GABPB1: variants seen among roughly 807,000 people sequenced by gnomAD.
GABPB1 encodes the protein GA binding protein transcription factor subunit beta 1.
A neutral mutation model predicts 45.9 loss-of-function variants in GABPB1; 15 were observed. The ratio of observed to expected loss-of-function variants is 0.33; its 90% CI spans 0.22 to 0.50. GABPB1 has a LOEUF of 0.50. Ranked by LOEUF, GABPB1 falls within the 20% of genes least tolerant of loss-of-function variation. GABPB1 has a pLI of 0.98. For synonymous variants in GABPB1, 143 were observed against 154.4 expected (o/e 0.93, Z 0.55); for missense variants, 252 against 457.5 (o/e 0.55, Z 4.10).
intron 1 of GABPB1, among the ~76,000 whole-genome samples, chr15:50,328,208 C>G (rs920375950): frequency 6.6e-6 from 1 of 151,566 alleles, no homozygotes; most frequent in Non-Finnish European, 1.5e-5. Flanking sequence ...AAATTAAAAG[C>G]TGGTCATCTT....
In GABPB1 at chr15:50,304,077, C is replaced by T. The variant is rs2046853225; in HGVS notation, c.165G>A (p.Glu55=). 3 of 1,613,310 alleles carry T rather than the reference C, an allele frequency of 1.9e-6. No homozygotes were observed. Among genetic ancestry groups the T allele is most frequent in the Non-Finnish European group, 2.5e-6 (3 of 1,179,662 alleles). ...TGCTCACACCAGCTCGCAGCAGTAC[C>T]TCTGTGGTGGAATAATGACCATACT... ...AAQYGHYSTT[E]VLLRAGVSRD... Residue 55 remains glutamate (E), a synonymous_variant, in exon 3 of 9, where the codon GAG becomes GAA. Coordinates refer to ENST00000380877, the MANE Select transcript of GABPB1 (RefSeq NM_016654.5).
At chr15:50,354,020 G>A (rs967144902) in intron 1 of GABPB1, 1 of 241,080 alleles carries the variant, frequency 4.1e-6, no homozygotes, top group Non-Finnish European at 8.3e-6. Flanking sequence ...TAAAGCAAGA[G>A]TATTTGTACT....
At chr15:50,339,629 C>T (rs1388542064) in intron 1 of GABPB1, among the ~76,000 whole-genome samples, 4 of 151,950 alleles carry the variant, frequency 2.6e-5, no homozygotes, top group African/African-American at 9.7e-5. Context: ...TATCAGTGTC[C>T]CTATTATGAC....
In GABPB1 at chr15:50,275,637, C is replaced by G. The variant is rs1375222732; in HGVS notation, c.*2995G>C. 6.6e-6 allele frequency: 1 copy of G among 152,148 alleles called. No individual in the cohort carries two copies. Among genetic ancestry groups the G allele is most frequent in the Non-Finnish European group, 1.5e-5 (1 of 68,028 alleles). The allele number at this position is 152,148 out of a possible 1,614,324, so 9.4% of individuals were successfully genotyped here. On this transcript the variant is annotated 3_prime_UTR_variant, in exon 9 of 9. Transcript: ENST00000380877. ...TTTCTCTCTAATTGTCTTCCCAACC[C>G]TCCACCACCATAAAGAAATAGAGCA...
intron 2 of GABPB1, among the ~76,000 whole-genome samples, chr15:50,308,185 G>C (rs1164205623): frequency 2.6e-5 from 4 of 152,088 alleles, no homozygotes; most frequent in African/African-American, 9.7e-5. Context: ...ACTTTCCTTT[G>C]AATTTCATTT....
At chr15:50,282,207 A>T in intron 8 of GABPB1, 1 of 437,506 alleles carries the variant, frequency 2.3e-6, no homozygotes, top group South Asian at 1.6e-5. Flanking sequence ...CTCAAAAAAT[A>T]AATAAATAAA....
At chr15:50,345,987 A>G (rs57520763) in intron 1 of GABPB1, among the ~76,000 whole-genome samples, 3,748 of 152,274 alleles carry the variant, frequency 0.025, 84 homozygotes, top group African/African-American at 0.059. Flanking sequence ...CTGGGTTTAC[A>G]GGCATGAGCC....
intron 6 of GABPB1, among the ~76,000 whole-genome samples, chr15:50,298,850 G>C (rs2046617435): frequency 6.6e-6 from 1 of 151,802 alleles, no homozygotes; most frequent in African/African-American, 2.4e-5. Context: ...TACTGGGGAG[G>C]CTGAGGCAGG....
chr15:50,300,766 C>T (rs762153221), intron 6 of GABPB1, 23 bp downstream of exon 6: 1 of 1,423,256 alleles, frequency 7.0e-7, no homozygotes, highest in East Asian at 2.3e-5. Flanking sequence ...TTTTAATGTA[C>T]ACATTAGACT....
intron 1 of GABPB1, chr15:50,350,874 C>T (rs899304593): frequency 6.6e-6 from 1 of 152,228 alleles, no homozygotes; most frequent in Admixed American, 6.5e-5. Context: ...TCTGATCCTT[C>T]TGCATGACAG....
chr15:50,317,579 G>A (rs2047385009), intron 1 of GABPB1, among the ~76,000 whole-genome samples: 2 of 151,046 alleles, frequency 1.3e-5, no homozygotes, highest in African/African-American at 4.9e-5. Flanking sequence ...TCAAAATTAG[G>A]TTACAGATAA....
At chr15:50,326,732 G>A (rs1277159639) in intron 1 of GABPB1, among the ~76,000 whole-genome samples, 4 of 152,022 alleles carry the variant, frequency 2.6e-5, no homozygotes, top group Non-Finnish European at 5.9e-5. Flanking sequence ...TACTCAGGAC[G>A]CTGAGGTGGG....
At position 50,284,033 on chromosome 15, in the gene GABPB1, G is replaced by A. The variant is rs2046079981; in HGVS notation, c.999+2035C>T. 2.6e-5 allele frequency among the ~76,000 whole-genome samples: 4 copies of A among 152,244 alleles called. No individual in the cohort carries two copies. The South Asian group carries it at 8.3e-4, about 32-fold the overall frequency. On this transcript the variant is annotated intron_variant, in intron 8 of 8. Transcript: ENST00000380877. ...CCCAGCCTCTACCCATTACATGTCA[G>A]TGGAATGCCACTAGTCATGACAACC... is the stretch of plus-strand genomic sequence containing the variant.
intron 2 of GABPB1, among the ~76,000 whole-genome samples, chr15:50,306,114 A>G (rs2046939917): frequency 1.3e-5 from 2 of 152,116 alleles, no homozygotes; most frequent in South Asian, 4.1e-4. Flanking sequence ...AGCTAGGACT[A>G]CAGGCTGAGC....
At chr15:50,289,779 C>CTTTT (rs140176493) in intron 6 of GABPB1, 111 bp from the exon 7 acceptor site, 52 of 737,356 alleles carry the variant, frequency 7.1e-5, no homozygotes, top group Non-Finnish European at 8.9e-5. Context: ...TTTCTTTTTT[C>CTTTT]TTTTTTAAAT....
intron 6 of GABPB1, among the ~76,000 whole-genome samples, chr15:50,291,372 G>A (rs960547886): frequency 1.3e-5 from 2 of 151,770 alleles, no homozygotes; most frequent in East Asian, 1.9e-4. Context: ...AGGTTGGAGA[G>A]CAGTGGCGTG....
chr15:50,304,062 A>G lies in GABPB1; in HGVS notation c.180T>C (p.Ala60=). 1 of 1,613,658 alleles carries G rather than the reference A, an allele frequency of 6.2e-7. No individual in the cohort carries two copies. Among genetic ancestry groups the G allele is most frequent in the Non-Finnish European group, 8.5e-7 (1 of 1,179,808 alleles). The change falls in exon 3 of 9, where the codon GCT becomes GCC. Residue 60 remains alanine, a synonymous_variant. Transcript: ENST00000380877. ...TGGTTCTGGCATCTCTGCTCACACC[A>G]GCTCGCAGCAGTACCTCTGTGGTGG... ...HYSTTEVLLR[A]GVSRDARTKV... is the part of the protein sequence containing the mutation.
intron 6 of GABPB1, among the ~76,000 whole-genome samples, chr15:50,297,571 G>A (rs185689489): frequency 1.5e-4 from 23 of 152,346 alleles, no homozygotes; most frequent in Non-Finnish European, 2.8e-4. Flanking sequence ...TGGGCCGGGT[G>A]CAGTGGCTCA....
chr15:50,299,650 C>T (rs2046656604), intron 6 of GABPB1, among the ~76,000 whole-genome samples: 1 of 152,186 alleles, frequency 6.6e-6, no homozygotes, highest in African/African-American at 2.4e-5. Context: ...CCACCCGCCT[C>T]AGCCTCCCAA....
Sources: gnomAD v4.1 joint callset for allele counts (sites outside exome capture counted in the v4.1 genomes callset) on GRCh38, gnomAD v4.1.1 for gene constraint, MANE v1.5 for transcripts, NCBI Gene and HGNC (gene_info 2026-07-23, HGNC 2026-07-21) for gene names.